Variants in NAGS observed in about 807,000 individuals in gnomAD.
NAGS encodes N-acetylglutamate synthase, mitochondrial.
NAGS carries 34 observed loss-of-function variants against 46.9 expected under a neutral mutation model. The ratio of observed to expected loss-of-function variants is 0.72; its 90% CI spans 0.55 to 0.97. The LOEUF (loss-of-function observed/expected upper bound fraction) is 0.97. NAGS is among the 50% of genes least tolerant of loss of function. The probability of loss-of-function intolerance (pLI) is 0.00; values close to 1 mark genes in which losing one functional copy is unlikely to be tolerated. For missense variants in NAGS, 665 were observed against 747.0 expected, an observed-to-expected ratio of 0.89 and a Z score of 1.28; for synonymous variants, 334 against 346.3, an observed-to-expected ratio of 0.96 and a Z score of 0.39.
Position 44,005,958 on chromosome 17 carries a change from C to T in NAGS, c.701+47C>T, listed in dbSNP as rs574695139. Reference sequence around the variant, plus strand: ...CCAGGCGTCCTCAGAGCGTGCTACTCTGCCCGCCCTGCCCCGTCCGGCAGG... The same window carrying T: ...CCAGGCGTCCTCAGAGCGTGCTACTTTGCCCGCCCTGCCCCGTCCGGCAGG... On this transcript the variant is annotated intron_variant, in intron 2 of 6. Transcript: ENST00000293404. This position sits in a 1 kb window ranked among gnomAD's most constrained non-coding sequence, Gnocchi z 7.2. The T allele has an allele frequency of 6.4e-7, 1 of 1,551,084 alleles. No individual in the cohort carries two copies. The highest frequency in any genetic ancestry group is 1.4e-5 in the African/African-American group (1 of 73,494).
At chr17:44,008,135 G>A (rs1398718192) in intron 6 of NAGS, among the ~76,000 whole-genome samples, 4 of 152,172 alleles carry the variant, frequency 2.6e-5, no homozygotes, top group Admixed American at 6.5e-5. Context: ...GCACTAGGAA[G>A]TGAGCAAGAA....
chr17:44,008,214 TG>T (rs2049120261), intron 6 of NAGS, among the ~76,000 whole-genome samples: 1 of 152,198 alleles, frequency 6.6e-6, no homozygotes. Flanking sequence ...TGTGTGCGCC[TG>T]GCAAGGTACC....
chr17:44,005,767 G>A lies in NAGS; in HGVS notation c.557G>A (p.Cys186Tyr). The A allele has an allele frequency of 6.3e-7, 1 of 1,591,334 alleles. No individual in the cohort carries two copies. Among genetic ancestry groups the A allele is most frequent in the Non-Finnish European group, 8.5e-7 (1 of 1,169,868 alleles). ...CCGGCCCCTACGGCTCCCTCGGGCT[G>A]TCTTTCCTTCTGGGAGGCCAAGGCG... ...GLPAPTAPSG[C>Y]LSFWEAKAQL... Residue 186 changes from cysteine (C) to tyrosine (Y), a missense_variant, in exon 2 of 7, where the codon TGT (cysteine) becomes TAT (tyrosine). Coordinates refer to ENST00000293404, the MANE Select transcript of NAGS (RefSeq NM_153006.3). This position sits in a 1 kb window ranked among gnomAD's most constrained non-coding sequence, Gnocchi z 7.2.
Position 44,005,420 on chromosome 17 carries a change from A to T in NAGS, c.427-217A>T, listed in dbSNP as rs2049072824. On this transcript the variant is annotated intron_variant, in intron 1 of 6. Transcript: ENST00000293404. This position sits in a 1 kb window ranked among gnomAD's most constrained non-coding sequence, Gnocchi z 7.2. ...TCCCCCAAAGATGTCCCGGAGTCCA[A>T]GGTCGGAGGGAGGAGGGCGGGAGGT... Among the ~76,000 whole-genome samples the T allele has an allele frequency of 6.6e-6, 1 of 152,182 alleles. No homozygotes were observed. Among genetic ancestry groups the T allele is most frequent in the Non-Finnish European group, 1.5e-5 (1 of 68,010 alleles).
In NAGS at chr17:44,007,336, G is replaced by C. The variant is rs1597866171; in HGVS notation, c.1110G>C (p.Leu370=). The change falls in exon 5 of 7, where the codon CTG becomes CTC. Residue 370 remains leucine, a synonymous_variant. Coordinates refer to ENST00000293404, the MANE Select transcript of NAGS (RefSeq NM_153006.3). This position sits in a 1 kb window ranked among gnomAD's most constrained non-coding sequence, Gnocchi z 5.1. ...ATCCTCCTCCAGGGTCCGGGACCCT[G>C]TTCAAGAACGCCGAGCGAATGCTAC... is the stretch of plus-strand genomic sequence containing the variant. ...ELFSNKGSGT[L]FKNAERMLRV... 5.0e-6 allele frequency: 8 copies of C among 1,613,600 alleles called. No homozygotes were observed. Among genetic ancestry groups the C allele is most frequent in the Admixed American group, 3.3e-5 (2 of 59,984 alleles).
Position 44,006,469 on chromosome 17 carries a change from G to C in NAGS, c.916-60G>C. On this transcript the variant is annotated intron_variant, in intron 3 of 6. Coordinates refer to ENST00000293404, the MANE Select transcript of NAGS (RefSeq NM_153006.3). The surrounding 1 kb of genome is among the most constrained non-coding windows in gnomAD (Gnocchi z 4.8). Reference sequence around the variant, plus strand: ...GGTCAGAGAAAAGAGAGGTCCGTGGGGGTAGGGGGGCAGTCCGTGCCGGCT... The same window carrying C: ...GGTCAGAGAAAAGAGAGGTCCGTGGCGGTAGGGGGGCAGTCCGTGCCGGCT... 1 of 1,542,490 alleles carries C rather than the reference G, an allele frequency of 6.5e-7. No individual in the cohort carries two copies. Among genetic ancestry groups the C allele is most frequent in the South Asian group, 1.2e-5 (1 of 83,814 alleles).
Position 44,007,240 on chromosome 17 carries a change from C to T in NAGS, c.1097-83C>T. On this transcript the variant is annotated intron_variant, in intron 4 of 6. Coordinates refer to ENST00000293404, the MANE Select transcript of NAGS (RefSeq NM_153006.3). This position sits in a 1 kb window ranked among gnomAD's most constrained non-coding sequence, Gnocchi z 5.1. ...TCTCCCAAAGACGGAAATTGTCCCACCAGCGCCTGTCCTACCTGCAGTCCC... is the reference window on the plus strand; with the variant it reads ...TCTCCCAAAGACGGAAATTGTCCCATCAGCGCCTGTCCTACCTGCAGTCCC... 2 of 1,363,594 alleles carry T rather than the reference C, an allele frequency of 1.5e-6. No homozygotes were observed. The highest frequency in any genetic ancestry group is 2.0e-6 in the Non-Finnish European group (2 of 983,608). 84.5% of individuals were successfully genotyped at this position (1,363,594 alleles called of 1,614,324 possible).
rs754360456 is a variant in NAGS, at chr17:44,006,421, C to T, written c.916-108C>T. ...TCTGCGCCCTCCCTGGCTAAGGACT[C>T]CGGGCGGAAGTAAGGATAAAGGGGT... On this transcript the variant is annotated intron_variant, in intron 3 of 6. Coordinates refer to ENST00000293404, the MANE Select transcript of NAGS (RefSeq NM_153006.3). This position sits in a 1 kb window ranked among gnomAD's most constrained non-coding sequence, Gnocchi z 4.8. 1.8e-5 allele frequency: 27 copies of T among 1,504,796 alleles called. No homozygotes were observed. Among genetic ancestry groups the T allele is most frequent in the Non-Finnish European group, 2.3e-5 (26 of 1,110,918 alleles). The allele number at this position is 1,504,796 out of a possible 1,614,324, so 93.2% of individuals were successfully genotyped here.
Position 44,007,629 on chromosome 17 carries a change from T to C in NAGS, c.1307T>C (p.Leu436Pro). The change falls in exon 6 of 7, where the codon CTG becomes CCG. Residue 436 changes from leucine to proline, a missense_variant. Coordinates refer to ENST00000293404, the MANE Select transcript of NAGS (RefSeq NM_153006.3). The surrounding 1 kb of genome is among the most constrained non-coding windows in gnomAD (Gnocchi z 5.1). Reference protein sequence around the residue: ...AAAILTMEPVLGGTPYLDKFV... With the variant: ...AAAILTMEPVPGGTPYLDKFV... ...GCCATTCTGACCATGGAGCCCGTCC[T>C]GGGGGGCACCCCGTACCTGGACAAA... 1 of 1,605,816 alleles carries C rather than the reference T, an allele frequency of 6.2e-7. No homozygotes were observed. Among genetic ancestry groups the C allele is most frequent in the Non-Finnish European group, 8.5e-7 (1 of 1,176,196 alleles).
intron 6 of NAGS, 28 bp from the exon 7 acceptor site, chr17:44,008,420 G>T: frequency 6.2e-7 from 1 of 1,614,104 alleles, no homozygotes; most frequent in Non-Finnish European, 8.5e-7. Context: ...CCTAAAAACT[G>T]TTTCCTACAT....
In NAGS at chr17:44,006,945, G is replaced by A. The variant is rs191120283; in HGVS notation, c.1096+236G>A. On this transcript the variant is annotated intron_variant, in intron 4 of 6. Coordinates refer to ENST00000293404, the MANE Select transcript of NAGS (RefSeq NM_153006.3). This position sits in a 1 kb window ranked among gnomAD's most constrained non-coding sequence, Gnocchi z 4.8. The stretch of plus-strand genomic sequence containing the variant: ...ATTAAAGGAATGGGCGGGACTAGGG[G>A]GGAGAAGGAGGGGCCCCCCGGTGGG... 26 of 569,778 alleles carry A rather than the reference G, an allele frequency of 4.6e-5. No individual in the cohort carries two copies. The South Asian group carries it at 5.0e-4, about 11-fold the overall frequency. 35.3% of individuals were successfully genotyped at this position (569,778 alleles called of 1,614,324 possible).
Position 44,005,508 on chromosome 17 carries a change from C to A in NAGS, c.427-129C>A. The A allele has an allele frequency of 7.6e-7, 1 of 1,312,504 alleles. No individual in the cohort carries two copies. Among genetic ancestry groups the A allele is most frequent in the Non-Finnish European group, 1.1e-6 (1 of 945,798 alleles). 81.3% of individuals were successfully genotyped at this position (1,312,504 alleles called of 1,614,324 possible). ...GGGCAAAGGGCGGAGCAGGTGGGCA[C>A]TGGTGGCCAGAACTGGGTCCTGACA... On this transcript the variant is annotated intron_variant, in intron 1 of 6. Coordinates refer to ENST00000293404, the MANE Select transcript of NAGS (RefSeq NM_153006.3). The surrounding 1 kb of genome is among the most constrained non-coding windows in gnomAD (Gnocchi z 7.2).
Position 44,006,597 on chromosome 17 carries a change from A to T in NAGS, c.984A>T (p.Lys328Asn). The T allele has an allele frequency of 1.3e-6, 2 of 1,600,004 alleles. No individual in the cohort carries two copies. The highest frequency in any genetic ancestry group is 1.7e-6 in the Non-Finnish European group (2 of 1,173,252). ...GCAACGCCGAGTGGGTGAGCACAAA[A>T]GAACGGCAGCAGATGCGGCTCATCG... ...LVCNAEWVST[K>N]ERQQMRLIVD... Residue 328 changes from lysine to asparagine, a missense_variant, in exon 4 of 7, where the codon AAA (lysine) becomes AAT (asparagine). Physicochemically the swap from Lys to Asn is moderately conservative, Grantham distance 94. Coordinates refer to ENST00000293404, the MANE Select transcript of NAGS (RefSeq NM_153006.3). This position sits in a 1 kb window ranked among gnomAD's most constrained non-coding sequence, Gnocchi z 4.8.
At position 44,007,560 on chromosome 17, in the gene NAGS, G is replaced by C; in HGVS notation, c.1269-31G>C. 6.2e-7 allele frequency: 1 copy of C among 1,610,990 alleles called. No individual in the cohort carries two copies. Among genetic ancestry groups the C allele is most frequent in the Non-Finnish European group, 8.5e-7 (1 of 1,179,118 alleles). The stretch of plus-strand genomic sequence containing the variant: ...TCGGGCAGCTTCGGACCAAGGAGAG[G>C]TCCCAGCCTGCCGCTCTCCCGCTGC... On this transcript the variant is annotated intron_variant, in intron 5 of 6. Coordinates refer to ENST00000293404, the MANE Select transcript of NAGS (RefSeq NM_153006.3). This position sits in a 1 kb window ranked among gnomAD's most constrained non-coding sequence, Gnocchi z 5.1.
Position 44,006,131 on chromosome 17 carries a change from T to C in NAGS, c.809T>C (p.Val270Ala). The change falls in exon 3 of 7, where the codon GTG becomes GCG. Residue 270 changes from valine to alanine, a missense_variant. Val to Ala is a moderately conservative substitution (Grantham distance 64). Transcript: ENST00000293404. This position sits in a 1 kb window ranked among gnomAD's most constrained non-coding sequence, Gnocchi z 4.8. ...GGGGAGACGGCCGCGCGCCGCTCCG[T>C]GCTTCTCGACTCCCTGGAGGTGACC... ...PIGETAARRS[V>A]LLDSLEVTAS... 1 of 1,613,118 alleles carries C rather than the reference T, an allele frequency of 6.2e-7. No homozygotes were observed. Among genetic ancestry groups the C allele is most frequent in the Non-Finnish European group, 8.5e-7 (1 of 1,179,912 alleles).
chr17:44,007,223 A>T lies in NAGS; in HGVS notation c.1097-100A>T. On this transcript the variant is annotated intron_variant, in intron 4 of 6. Coordinates refer to ENST00000293404, the MANE Select transcript of NAGS (RefSeq NM_153006.3). The surrounding 1 kb of genome is among the most constrained non-coding windows in gnomAD (Gnocchi z 5.1). Reference sequence around the variant, plus strand: ...TCATTTCACTGTGGAGGTCTCCCAAAGACGGAAATTGTCCCACCAGCGCCT... The same window carrying T: ...TCATTTCACTGTGGAGGTCTCCCAATGACGGAAATTGTCCCACCAGCGCCT... 6 of 1,136,606 alleles carry T rather than the reference A, an allele frequency of 5.3e-6. No homozygotes were observed. Among genetic ancestry groups the T allele is most frequent in the Non-Finnish European group, 7.6e-6 (6 of 791,058 alleles). The allele number at this position is 1,136,606 out of a possible 1,614,324, so 70.4% of individuals were successfully genotyped here. A position where few individuals can be genotyped will look rare whatever the true frequency, so the allele number is the denominator to read the frequency against.
In NAGS at chr17:44,007,030, G is replaced by T; in HGVS notation, c.1097-293G>T. On this transcript the variant is annotated intron_variant, in intron 4 of 6. Transcript: ENST00000293404. This position sits in a 1 kb window ranked among gnomAD's most constrained non-coding sequence, Gnocchi z 5.1. ...GACCGGGAGAGATGGGCGGGGCTTAGGTGGGTGGGCCGGGTCAGCGGCGGG... is the reference window on the plus strand; with the variant it reads ...GACCGGGAGAGATGGGCGGGGCTTATGTGGGTGGGCCGGGTCAGCGGCGGG... 1.8e-6 allele frequency: 1 copy of T among 569,134 alleles called. No individual in the cohort carries two copies. Among genetic ancestry groups the T allele is most frequent in the Non-Finnish European group, 3.1e-6 (1 of 321,546 alleles). 35.3% of individuals were successfully genotyped at this position (569,134 alleles called of 1,614,324 possible).
rs2049085497 is a variant in NAGS at position 44,006,050 on chromosome 17, C to G, written c.728C>G (p.Thr243Arg). The G allele has an allele frequency of 2.5e-6, 4 of 1,607,672 alleles. No individual in the cohort carries two copies. In the South Asian group the frequency reaches 4.4e-5, roughly 18 times the overall value. Reference protein sequence around the residue: ...ASYGGIVSVETDLLQWCLESG... With the variant: ...ASYGGIVSVERDLLQWCLESG... The stretch of plus-strand genomic sequence containing the variant: ...TACGGCGGCATCGTCTCGGTGGAGA[C>G]AGACCTGCTGCAGTGGTGCCTGGAG... The change falls in exon 3 of 7, where the codon ACA becomes AGA. Residue 243 changes from threonine (T) to arginine (R), a missense_variant. Thr to Arg is a moderately conservative substitution (Grantham distance 71). Coordinates refer to ENST00000293404, the MANE Select transcript of NAGS (RefSeq NM_153006.3). This position sits in a 1 kb window ranked among gnomAD's most constrained non-coding sequence, Gnocchi z 4.8.
At position 44,005,851 on chromosome 17, in the gene NAGS, C is replaced by T; in HGVS notation, c.641C>T (p.Ala214Val). 1 of 1,562,398 alleles carries T rather than the reference C, an allele frequency of 6.4e-7. No homozygotes were observed. The highest frequency in any genetic ancestry group is 8.7e-7 in the Non-Finnish European group (1 of 1,155,300). ...GCGCTTCGACACAACGCCGCCGCTG[C>T]TGTGCCATTTTTTGGCGGCGGGTCT... is the stretch of plus-strand genomic sequence containing the variant. ...VDALRHNAAA[A>V]VPFFGGGSVL... Residue 214 changes from alanine (A) to valine (V), a missense_variant, in exon 2 of 7, where the codon GCT becomes GTT. Ala to Val is a moderately conservative substitution (Grantham distance 64). Transcript: ENST00000293404. The surrounding 1 kb of genome is among the most constrained non-coding windows in gnomAD (Gnocchi z 7.2).
Sources: allele counts gnomAD v4.1 joint callset (sites outside exome capture counted in the v4.1 genomes callset), GRCh38; gene constraint gnomAD v4.1.1; non-coding constraint Gnocchi (gnomAD v3.1); transcripts MANE v1.5; gene names NCBI Gene and HGNC (gene_info 2026-07-23, HGNC 2026-07-21).